Variants in PPP1R12B observed in about 807,000 individuals in gnomAD.
PPP1R12B encodes the protein protein phosphatase 1 regulatory subunit 12B.
A neutral mutation model predicts 126.1 loss-of-function variants in PPP1R12B; 76 were observed. That is an observed-to-expected ratio of 0.60 (90% confidence interval 0.50 to 0.73). PPP1R12B has a LOEUF of 0.73. PPP1R12B is among the 30% of genes least tolerant of loss of function. The pLI, the probability that PPP1R12B is intolerant of heterozygous loss-of-function variation, is 0.00. For missense variants in PPP1R12B, 1,052 were observed against 1,205.1 expected, an observed-to-expected ratio of 0.87 and a Z score of 1.88; for synonymous variants, 356 against 434.7, an observed-to-expected ratio of 0.82 and a Z score of 2.25.
chr1:202,548,804 CTCTCTATA>C (rs1369630087), intron 18 of PPP1R12B, among the ~76,000 whole-genome samples: 5,298 of 81,528 alleles, frequency 0.065, 103 homozygotes, highest in East Asian at 0.19. Flanking sequence ...CTCTCTCTCT[CTCTCTATA>C]TATATATATA....
At chr1:202,412,398 G>A (rs1057376167) in intron 1 of PPP1R12B, among the ~76,000 whole-genome samples, 8 of 152,194 alleles carry the variant, frequency 5.3e-5, no homozygotes, top group Non-Finnish European at 7.3e-5. Context: ...GAGAGGAGAA[G>A]TAAGAGGGGA....
chr1:202,453,528 C>T (rs1423009650), intron 13 of PPP1R12B, among the ~76,000 whole-genome samples: 1 of 151,680 alleles, frequency 6.6e-6, no homozygotes, highest in Non-Finnish European at 1.5e-5. Context: ...ATTAATTCTT[C>T]TTTAGGTGTT....
chr1:202,502,564 T>C lies in PPP1R12B; in HGVS notation c.2490+5742T>C, dbSNP rs550122505. On this transcript the variant is annotated intron_variant, in intron 18 of 23. Transcript: ENST00000608999. ...TTTCTAGATTCTGGGGATGCAACAA[T>C]GAACAAACAGCCCTGCTCTTACGGA... 1.3e-4 allele frequency: 94 copies of C among 725,270 alleles called. No individual in the cohort carries two copies. In the African/African-American group the frequency reaches 1.8e-3, roughly 14 times the overall value. The allele number at this position is 725,270 out of a possible 1,614,324, so 44.9% of individuals were successfully genotyped here.
Position 202,348,705 on chromosome 1 carries a change from A to G in PPP1R12B, c.-147A>G. 2 of 1,012,178 alleles carry G rather than the reference A, an allele frequency of 2.0e-6. No homozygotes were observed. The highest frequency in any genetic ancestry group is 2.8e-6 in the Non-Finnish European group (2 of 706,558). 62.7% of individuals were successfully genotyped at this position (1,012,178 alleles called of 1,614,324 possible). ...GCCGAGGGAGCGTGCGGGCGGTACT[A>G]CTGGCGGGAGGAGTAAAGATGGCGG... On this transcript the variant is annotated 5_prime_UTR_variant, in exon 1 of 24. Coordinates refer to ENST00000608999, the MANE Select transcript of PPP1R12B (RefSeq NM_002481.4).
intron 1 of PPP1R12B, 88 bp from the exon 2 acceptor site, chr1:202,416,699 G>C (rs1312856465): frequency 2.0e-5 from 23 of 1,158,018 alleles, no homozygotes; most frequent in Non-Finnish European, 2.9e-5. Context: ...TAGAACTGCT[G>C]GGCATTGTCA....
At chr1:202,351,955 A>G (rs1040867575) in intron 1 of PPP1R12B, among the ~76,000 whole-genome samples, 1 of 152,212 alleles carries the variant, frequency 6.6e-6, no homozygotes, top group South Asian at 2.1e-4. Flanking sequence ...GTCAAAGATA[A>G]CAAGCTCCAG....
In PPP1R12B at chr1:202,564,442, G is replaced by A. The variant is rs759744178; in HGVS notation, c.2653-1G>A. On this transcript the variant is annotated splice_acceptor_variant, in intron 20 of 23. Transcript: ENST00000608999. LOFTEE classifies it high-confidence loss of function. ...GATCCTCTTTTTTCCCTCTCCTCTA[G>A]CTCTATGAGAGTGCTCTGACTGAAA... 2 of 1,603,860 alleles carry A rather than the reference G, an allele frequency of 1.2e-6. No homozygotes were observed. The highest frequency in any genetic ancestry group is 1.7e-6 in the Non-Finnish European group (2 of 1,172,748).
chr1:202,360,569 GC>G (rs1558127842), intron 1 of PPP1R12B, among the ~76,000 whole-genome samples: 2 of 151,906 alleles, frequency 1.3e-5, no homozygotes, highest in South Asian at 4.1e-4. Context: ...TTTAGCTGGG[GC>G]TGGTGGTGGA....
chr1:202,502,755 C>G (rs1680370664), intron 18 of PPP1R12B: 1 of 152,576 alleles, frequency 6.6e-6, no homozygotes, highest in South Asian at 2.1e-4. Context: ...CAGGATAGGC[C>G]TTACTGAGAA....
chr1:202,511,748 T>G (rs1159825753), intron 18 of PPP1R12B, among the ~76,000 whole-genome samples: 1 of 151,660 alleles, frequency 6.6e-6, no homozygotes, highest in Non-Finnish European at 1.5e-5. Flanking sequence ...TTGAGTAGTA[T>G]TCCATGATGT....
intron 17 of PPP1R12B, 23 bp downstream of exon 17, chr1:202,495,705 A>T: frequency 6.3e-7 from 1 of 1,590,060 alleles, no homozygotes; most frequent in South Asian, 1.1e-5. Flanking sequence ...GTCTGTGCTG[A>T]GGCATATCAT....
At chr1:202,408,103 G>T (rs963095882) in intron 1 of PPP1R12B, among the ~76,000 whole-genome samples, 3 of 152,098 alleles carry the variant, frequency 2.0e-5, no homozygotes, top group Admixed American at 6.5e-5. Context: ...TTTGGTATCT[G>T]CAGGGGGTCT....
intron 18 of PPP1R12B, among the ~76,000 whole-genome samples, chr1:202,555,831 A>T (rs1347597417): frequency 6.6e-6 from 1 of 151,994 alleles, no homozygotes; most frequent in Non-Finnish European, 1.5e-5. Flanking sequence ...AAAGGTACGA[A>T]GTTTTAACTT....
chr1:202,372,873 T>C (rs2148456567), intron 1 of PPP1R12B, among the ~76,000 whole-genome samples: 1 of 152,290 alleles, frequency 6.6e-6, no homozygotes. Flanking sequence ...TGAACTATGT[T>C]GTTGGCTTTC....
At chr1:202,359,691 T>C (rs955183156) in intron 1 of PPP1R12B, among the ~76,000 whole-genome samples, 4 of 13,268 alleles carry the variant, frequency 3.0e-4, no homozygotes, top group Non-Finnish European at 4.7e-4. Context: ...GGGGTGGGGG[T>C]GGGGGGCGGT....
chr1:202,569,945 G>C (rs544122589), intron 23 of PPP1R12B, among the ~76,000 whole-genome samples: 1 of 152,186 alleles, frequency 6.6e-6, no homozygotes. Context: ...AGTGGGGCAG[G>C]GGGAGGGGAG....
chr1:202,518,193 G>A (rs2148909149), intron 18 of PPP1R12B, among the ~76,000 whole-genome samples: 1 of 152,294 alleles, frequency 6.6e-6, no homozygotes, highest in South Asian at 2.1e-4. Context: ...CACAAGGTAT[G>A]TTATATATAG....
chr1:202,408,851 T>C (rs1300293626), intron 1 of PPP1R12B, among the ~76,000 whole-genome samples: 1 of 147,514 alleles, frequency 6.8e-6, no homozygotes, highest in East Asian at 1.9e-4. Context: ...TTCTTTTTTT[T>C]TTTTTTTTTT....
chr1:202,422,839 A>G (rs1668985837), intron 3 of PPP1R12B, 101 bp downstream of exon 3: 1 of 1,539,508 alleles, frequency 6.5e-7, no homozygotes, highest in Non-Finnish European at 8.8e-7. Context: ...ATCACATGAC[A>G]GGAGAGGATT....
Sources: gnomAD v4.1 joint callset for allele counts (sites outside exome capture counted in the v4.1 genomes callset) on GRCh38, gnomAD v4.1.1 for gene constraint, MANE v1.5 for transcripts, NCBI Gene and HGNC (gene_info 2026-07-23, HGNC 2026-07-21) for gene names.